CYLC1: variants seen among roughly 807,000 people sequenced by gnomAD.
CYLC1 encodes cylicin 1.
CYLC1 carries 2 observed loss-of-function variants against 31.6 expected under a neutral mutation model. The ratio of observed to expected loss-of-function variants is 0.06; its 90% CI spans 0.03 to 0.20. The LOEUF (loss-of-function observed/expected upper bound fraction) is 0.20, where lower values mean the gene tolerates loss of function less well. Ranked by LOEUF, CYLC1 falls within the 10% of genes least tolerant of loss-of-function variation. The pLI, the probability that CYLC1 is intolerant of heterozygous loss-of-function variation, is 1.00. For synonymous variants in CYLC1, 185 were observed against 153.0 expected (o/e 1.21, Z -1.54); for missense variants, 595 against 424.1 (o/e 1.40, Z -3.54).
intron 4 of CYLC1, among the ~76,000 whole-genome samples, chrX:83,877,527 C>A (rs1487992087): frequency 9.0e-6 from 1 of 110,595 alleles, no homozygotes; most frequent in Non-Finnish European, 1.9e-5. Context: ...GCCAAACTGG[C>A]ATTCTTTTTG....
intron 1 of CYLC1, among the ~76,000 whole-genome samples, chrX:83,862,655 A>G (rs1233275429): frequency 8.9e-6 from 1 of 112,776 alleles, no homozygotes; most frequent in Non-Finnish European, 1.9e-5. Flanking sequence ...GACATTTCTA[A>G]TTTGATTCTG....
intron 4 of CYLC1, among the ~76,000 whole-genome samples, chrX:83,879,722 T>C (rs1043366538): frequency 4.7e-5 from 4 of 84,547 alleles, no homozygotes; most frequent in Non-Finnish European, 1.0e-4. Flanking sequence ...ATATCAAACA[T>C]TCAAACACAC....
rs1261185496 is a variant in CYLC1, at chrX:83,886,482, C to A, written c.1924-70C>A. 8 of 1,004,526 alleles carry A rather than the reference C, an allele frequency of 8.0e-6. No homozygotes were observed. The Admixed American group carries it at 8.9e-5, about 11-fold the overall frequency. The allele number at this position is 1,004,526 out of a possible 1,213,427, so 82.8% of individuals were successfully genotyped here. A position where few individuals can be genotyped will look rare whatever the true frequency, so the allele number is the denominator to read the frequency against. Reference sequence around the variant, plus strand: ...TGCTTTCGTGTGATCCTTAACACATCATAGTTGTCTTGATTAATAGACAAA... The same window carrying A: ...TGCTTTCGTGTGATCCTTAACACATAATAGTTGTCTTGATTAATAGACAAA... On this transcript the variant is annotated intron_variant, in intron 4 of 4. Coordinates refer to ENST00000329312, the MANE Select transcript of CYLC1 (RefSeq NM_021118.3).
chrX:83,882,994 A>G (rs1273303814), intron 4 of CYLC1, among the ~76,000 whole-genome samples: 2 of 111,210 alleles, frequency 1.8e-5, no homozygotes, highest in African/African-American at 6.5e-5. Context: ...AATTGTTCTT[A>G]GGTTCAAATA....
At chrX:83,861,419 G>A (rs909823109) in intron 1 of CYLC1, among the ~76,000 whole-genome samples, 1 of 110,523 alleles carries the variant, frequency 9.0e-6, no homozygotes, top group Non-Finnish European at 1.9e-5. Flanking sequence ...AAATACCTGC[G>A]AATCTTGACT....
At chrX:83,861,373 T>G (rs2031507094) in intron 1 of CYLC1, among the ~76,000 whole-genome samples, 174 bp downstream of exon 1, 1 of 112,180 alleles carries the variant, frequency 8.9e-6, no homozygotes, top group Admixed American at 9.5e-5. Context: ...CTTAGATGTT[T>G]TGCTTTGAAA....
chrX:83,875,614 T>C (rs1413888418), intron 4 of CYLC1, among the ~76,000 whole-genome samples: 1 of 111,374 alleles, frequency 9.0e-6, no homozygotes, highest in Non-Finnish European at 1.9e-5. Context: ...ACAAGAACTG[T>C]GTAGGAAAGA....
chrX:83,871,929 C>CTT (rs775032410), intron 3 of CYLC1, among the ~76,000 whole-genome samples: 99 of 110,843 alleles, frequency 8.9e-4, no homozygotes, highest in South Asian at 8.1e-3. Flanking sequence ...AATTCAGAGA[C>CTT]GATATTAAGA....
rs148140928 is a variant in CYLC1, at chrX:83,873,530, G to C, written c.822G>C (p.Lys274Asn). 8.4e-7 allele frequency: 1 copy of C among 1,196,758 alleles called. No individual in the cohort carries two copies. Among genetic ancestry groups the C allele is most frequent in the South Asian group, 1.8e-5 (1 of 55,186 alleles). Residue 274 changes from lysine (K) to asparagine (N), a missense_variant, in exon 4 of 5, where the codon AAG becomes AAC. Physicochemically the swap from Lys to Asn is moderately conservative, Grantham distance 94 (BLOSUM62 0). Transcript: ENST00000329312. Reference protein sequence around the residue: ...WLRNYSQNNSKNYSLKYTKYT... With the variant: ...WLRNYSQNNSNNYSLKYTKYT... ...GGAATTACTCACAGAATAATTCAAA[G>C]AATTATTCTTTGAAGTATACAAAGT...
rs942906030 is a variant in CYLC1, at chrX:83,883,081, C to T, written c.1924-3471C>T. Among the ~76,000 whole-genome samples the T allele has an allele frequency of 5.4e-5, 6 of 110,980 alleles. No homozygotes were observed. In the Middle Eastern group the frequency reaches 0.014, roughly 261 times the overall value. Reference sequence around the variant, plus strand: ...TAAGACTTTATTACTACTATTACTGCCTTATGCCTTCATTTATATTGCCCC... The same window carrying T: ...TAAGACTTTATTACTACTATTACTGTCTTATGCCTTCATTTATATTGCCCC... On this transcript the variant is annotated intron_variant, in intron 4 of 4. Coordinates refer to ENST00000329312, the MANE Select transcript of CYLC1 (RefSeq NM_021118.3).
intron 4 of CYLC1, 26 bp from the exon 5 acceptor site, chrX:83,886,526 T>C: frequency 8.3e-7 from 1 of 1,201,364 alleles, no homozygotes; most frequent in Non-Finnish European, 1.1e-6. Context: ...TTCTTTTTAT[T>C]TGCATTTTTC....
chrX:83,865,263 TACACACACAC>T lies in CYLC1; in HGVS notation c.17+4073_17+4082del, dbSNP rs769989735. Among the ~76,000 whole-genome samples, 7 of 108,655 alleles carry T rather than the reference TACACACACAC, an allele frequency of 6.4e-5. No individual in the cohort carries two copies. The East Asian group carries it at 2.0e-3, about 31-fold the overall frequency. The allele number at this position is 108,655 out of a possible 115,157, so 94.4% of individuals were successfully genotyped here. On this transcript the variant is annotated intron_variant, in intron 1 of 4. Coordinates refer to ENST00000329312, the MANE Select transcript of CYLC1 (RefSeq NM_021118.3). ...TTGTTTAAGCAAACATAAACATGCA[TACACACACAC>T]ACACACACGCACCAACATAGCTTTG... is the stretch of plus-strand genomic sequence containing the variant.
At chrX:83,878,085 T>C (rs2031814464) in intron 4 of CYLC1, among the ~76,000 whole-genome samples, 1 of 59,197 alleles carries the variant, frequency 1.7e-5, no homozygotes, top group African/African-American at 7.1e-5. Flanking sequence ...TAAAAATATA[T>C]ATATTTGTAT....
At position 83,873,256 on chromosome X, in the gene CYLC1, C is replaced by T. The variant is rs759729052; in HGVS notation, c.548C>T (p.Pro183Leu). ...KKSKSSSETNPESQNSKTVSK... is the reference protein window; with the variant it reads ...KKSKSSSETNLESQNSKTVSK... ...TCAAAATCCAGTTCAGAAACTAATCCAGAATCCCAAAATTCTAAGACAGTC... is the reference window on the plus strand; with the variant it reads ...TCAAAATCCAGTTCAGAAACTAATCTAGAATCCCAAAATTCTAAGACAGTC... Residue 183 changes from proline to leucine, a missense_variant, in exon 4 of 5, where the codon CCA becomes CTA. Physicochemically the swap from Pro to Leu is moderately conservative, Grantham distance 98. Transcript: ENST00000329312. The T allele has an allele frequency of 8.4e-7, 1 of 1,197,313 alleles. No individual in the cohort carries two copies. Among genetic ancestry groups the T allele is most frequent in the African/African-American group, 1.8e-5 (1 of 56,307 alleles).
chrX:83,876,156 T>C (rs990331481), intron 4 of CYLC1, among the ~76,000 whole-genome samples: 1 of 110,716 alleles, frequency 9.0e-6, no homozygotes, highest in Non-Finnish European at 1.9e-5. Flanking sequence ...TTTTGGAAGA[T>C]AAAAACATCT....
intron 4 of CYLC1, among the ~76,000 whole-genome samples, chrX:83,882,677 T>C (rs997956785): frequency 1.8e-5 from 2 of 111,091 alleles, no homozygotes; most frequent in Non-Finnish European, 3.8e-5. Flanking sequence ...TTGTTTTCTA[T>C]GGCTCAGTTA....
intron 2 of CYLC1, among the ~76,000 whole-genome samples, chrX:83,871,195 A>G (rs1602302538): frequency 9.0e-6 from 1 of 111,143 alleles, no homozygotes; most frequent in East Asian, 2.8e-4. Flanking sequence ...CATGATTTAA[A>G]TATCTGTGAA....
At chrX:83,884,477 G>A (rs2031956158) in intron 4 of CYLC1, among the ~76,000 whole-genome samples, 1 of 110,651 alleles carries the variant, frequency 9.0e-6, no homozygotes, top group Admixed American at 9.7e-5. Flanking sequence ...ATTTGCTTTT[G>A]GGATCTTGGT....
At chrX:83,879,831 T>C in intron 4 of CYLC1, among the ~76,000 whole-genome samples, 1 of 111,502 alleles carries the variant, frequency 9.0e-6, no homozygotes, top group Middle Eastern at 4.6e-3. Flanking sequence ...GAGGTTTTCT[T>C]ATTGTTTTAT....
Sources: allele counts gnomAD v4.1 joint callset (sites outside exome capture counted in the v4.1 genomes callset), GRCh38; gene constraint gnomAD v4.1.1; transcripts MANE v1.5; gene names NCBI Gene and HGNC (gene_info 2026-07-23, HGNC 2026-07-21).